CATSPERE: variants seen among roughly 807,000 people sequenced by gnomAD.
CATSPERE encodes cation channel sperm-associated auxiliary subunit epsilon.
In CATSPERE, 93 loss-of-function variants were observed where a neutral mutation model predicts 114.1. The ratio of observed to expected loss-of-function variants is 0.81; its 90% CI spans 0.69 to 0.97. CATSPERE has a LOEUF of 0.97. CATSPERE is among the 50% of genes least tolerant of loss of function. The pLI is 0.00. For synonymous variants in CATSPERE, 341 were observed against 384.1 expected, an observed-to-expected ratio of 0.89 and a Z score of 1.31; for missense variants, 1,058 against 1,131.6, an observed-to-expected ratio of 0.93 and a Z score of 0.93.
chr1:244,554,335 C>T (rs972446666), intron 9 of CATSPERE, among the ~76,000 whole-genome samples: 3 of 152,134 alleles, frequency 2.0e-5, no homozygotes, highest in Non-Finnish European at 2.9e-5. Context: ...GCCTCCTTGC[C>T]AGCATCTGTT....
chr1:244,455,260 C>A (rs1195409327), intron 1 of CATSPERE, among the ~76,000 whole-genome samples: 1 of 152,084 alleles, frequency 6.6e-6, no homozygotes, highest in Non-Finnish European at 1.5e-5. Flanking sequence ...CCCGCGTCCC[C>A]CCGCTCCCAT....
chr1:244,516,055 G>A (rs1015834327), intron 7 of CATSPERE, among the ~76,000 whole-genome samples: 5 of 151,648 alleles, frequency 3.3e-5, no homozygotes, highest in South Asian at 2.1e-4. Context: ...TTAGCTGGGC[G>A]TGGTGGCACA....
intron 8 of CATSPERE, among the ~76,000 whole-genome samples, chr1:244,545,668 G>A (rs1264777200): frequency 6.6e-6 from 1 of 152,180 alleles, no homozygotes; most frequent in Non-Finnish European, 1.5e-5. Flanking sequence ...GCTTGATCAT[G>A]GGCCAACAAG....
At chr1:244,636,676 C>G (rs936460903) in intron 21 of CATSPERE, 2 of 153,106 alleles carry the variant, frequency 1.3e-5, no homozygotes, top group African/African-American at 4.8e-5. Flanking sequence ...CACTCACCTG[C>G]CCCGCTCTCA....
In CATSPERE at chr1:244,607,228, C is replaced by T. The variant is rs1287201199; in HGVS notation, c.2403+1434C>T. Among the ~76,000 whole-genome samples the T allele has an allele frequency of 2.0e-5, 3 of 152,306 alleles. No homozygotes were observed. Among genetic ancestry groups the T allele is most frequent in the Non-Finnish European group, 2.9e-5 (2 of 68,020 alleles). On this transcript the variant is annotated intron_variant, in intron 18 of 21. Transcript: ENST00000366534. The surrounding 1 kb of genome is among the most constrained non-coding windows in gnomAD (Gnocchi z 4.4). ...AAGGGTGAGATTTGGGGTTGATGTT[C>T]TCCCTCATCCATAGTATCATTGCTG...
At chr1:244,512,016 G>T (rs138398359) in intron 7 of CATSPERE, among the ~76,000 whole-genome samples, 61 of 152,260 alleles carry the variant, frequency 4.0e-4, no homozygotes, top group African/African-American at 1.4e-3. Flanking sequence ...GTACCTTGGA[G>T]AAAACCTTTT....
At chr1:244,486,302 T>C (rs1336003785) in intron 5 of CATSPERE, among the ~76,000 whole-genome samples, 921 of 109,810 alleles carry the variant, frequency 8.4e-3, no homozygotes, top group Middle Eastern at 0.072. Flanking sequence ...GGTGGGTGGT[T>C]CAGCATGTGG....
chr1:244,553,195 C>T (rs1302961921), intron 9 of CATSPERE, among the ~76,000 whole-genome samples: 4 of 152,068 alleles, frequency 2.6e-5, no homozygotes, highest in African/African-American at 4.8e-5. Flanking sequence ...TCGGGGTATC[C>T]GTCTCCTTCA....
rs1675069266 is a variant in CATSPERE at position 244,639,508 on chromosome 1, G to A, written c.2703-420G>A. Among the ~76,000 whole-genome samples, 4 of 152,252 alleles carry A rather than the reference G, an allele frequency of 2.6e-5. No individual in the cohort carries two copies. In the South Asian group the frequency reaches 8.3e-4, roughly 32 times the overall value. On this transcript the variant is annotated intron_variant, in intron 21 of 21. Transcript: ENST00000366534. ...AGTTCGAGACCAGCCTGGCCAACATGGTGAAACCCCGTCTCTACTAAAAAT... is the reference window on the plus strand; with the variant it reads ...AGTTCGAGACCAGCCTGGCCAACATAGTGAAACCCCGTCTCTACTAAAAAT...
At chr1:244,598,147 G>A (rs182138908) in intron 17 of CATSPERE, among the ~76,000 whole-genome samples, 5 of 152,220 alleles carry the variant, frequency 3.3e-5, no homozygotes, top group Admixed American at 1.3e-4. Context: ...TGGCATTCTC[G>A]TCTTTGTGAA....
intron 8 of CATSPERE, among the ~76,000 whole-genome samples, chr1:244,531,618 T>C (rs922829916): frequency 6.6e-6 from 1 of 152,212 alleles, no homozygotes; most frequent in East Asian, 1.9e-4. Context: ...TCTGTTGATA[T>C]AATGTATCAC....
At position 244,621,082 on chromosome 1, in the gene CATSPERE, TAA is replaced by T. The variant is rs1239621190; in HGVS notation, c.2648+3398_2648+3399del. ...TATAAATATATATAAAATATATATA[TAA>T]ATATATATAAAATATATATAAATAT... On this transcript the variant is annotated intron_variant, in intron 20 of 21. Coordinates refer to ENST00000366534, the MANE Select transcript of CATSPERE (RefSeq NM_001130957.2). Among the ~76,000 whole-genome samples the T allele has an allele frequency of 3.3e-3, 236 of 71,102 alleles. 14 individuals are homozygous for T. The highest frequency in any genetic ancestry group is 0.012 in the African/African-American group (221 of 17,720). 46.6% of individuals were successfully genotyped at this position (71,102 alleles called of 152,430 possible). A position where few individuals can be genotyped will look rare whatever the true frequency, so the allele number is the denominator to read the frequency against.
rs1663985480 is a variant in CATSPERE at position 244,568,785 on chromosome 1, G to T, written c.1508-3545G>T. ...GATCTTAGCTTGCTGGACTCCATAGGGGTGGGATCCACTGAGCTAGACCAC... is the reference window on the plus strand; with the variant it reads ...GATCTTAGCTTGCTGGACTCCATAGTGGTGGGATCCACTGAGCTAGACCAC... On this transcript the variant is annotated intron_variant, in intron 10 of 21. Transcript: ENST00000366534. This position sits in a 1 kb window ranked among gnomAD's most constrained non-coding sequence, Gnocchi z 4.4. Among the ~76,000 whole-genome samples the T allele has an allele frequency of 6.6e-6, 1 of 152,186 alleles. No homozygotes were observed. The highest frequency in any genetic ancestry group is 1.5e-5 in the Non-Finnish European group (1 of 68,036).
At chr1:244,462,252 A>G (rs564521446) in intron 1 of CATSPERE, among the ~76,000 whole-genome samples, 1 of 152,320 alleles carries the variant, frequency 6.6e-6, no homozygotes, top group South Asian at 2.1e-4. Flanking sequence ...GCACATGTCC[A>G]TCTGCACACC....
At chr1:244,612,228 A>G (rs1670832542) in intron 19 of CATSPERE, among the ~76,000 whole-genome samples, 1 of 152,082 alleles carries the variant, frequency 6.6e-6, no homozygotes, top group Non-Finnish European at 1.5e-5. Context: ...GAGTAAGTCT[A>G]CTCTTACTGA....
chr1:244,601,004 A>G lies in CATSPERE; in HGVS notation c.2304-4691A>G, dbSNP rs145314272. ...CAGAACAATCTGAATAATATAGAAA[A>G]TGTGTTCAAAAATGAATAAAGAGGA... On this transcript the variant is annotated intron_variant, in intron 17 of 21. Coordinates refer to ENST00000366534, the MANE Select transcript of CATSPERE (RefSeq NM_001130957.2). 5.0e-3 allele frequency among the ~76,000 whole-genome samples: 768 copies of G among 152,340 alleles called. 9 individuals are homozygous for G. The highest frequency in any genetic ancestry group is 0.018 in the African/African-American group (748 of 41,582).
chr1:244,618,320 G>A (rs921060594), intron 20 of CATSPERE, among the ~76,000 whole-genome samples: 1 of 152,248 alleles, frequency 6.6e-6, no homozygotes, highest in Admixed American at 6.5e-5. Context: ...CTCTGAATGG[G>A]GAAGGTAGAA....
intron 2 of CATSPERE, among the ~76,000 whole-genome samples, chr1:244,471,191 A>G (rs1668422513): frequency 1.3e-5 from 2 of 152,250 alleles, no homozygotes; most frequent in South Asian, 4.1e-4. Context: ...TTAAAAAACC[A>G]TAACCGTAAT....
At chr1:244,506,411 A>G (rs918691142) in intron 7 of CATSPERE, among the ~76,000 whole-genome samples, 1 of 152,218 alleles carries the variant, frequency 6.6e-6, no homozygotes, top group Non-Finnish European at 1.5e-5. Context: ...GTATATACCC[A>G]GAAATGGAAC....
Sources: gnomAD v4.1 joint callset for allele counts (sites outside exome capture counted in the v4.1 genomes callset) on GRCh38, gnomAD v4.1.1 for gene constraint, Gnocchi (gnomAD v3.1) non-coding constraint, MANE v1.5 for transcripts, NCBI Gene and HGNC (gene_info 2026-07-23, HGNC 2026-07-21) for gene names.